DCC: variants seen among roughly 807,000 people sequenced by gnomAD.
DCC encodes DCC netrin 1 receptor.
A neutral mutation model predicts 172.5 loss-of-function variants in DCC; 58 were observed. The ratio of observed to expected loss-of-function variants is 0.34; its 90% CI spans 0.27 to 0.42. DCC has a LOEUF of 0.42. Among genes scored for constraint, DCC ranks in the 10% least tolerant of loss-of-function variants. The probability of loss-of-function intolerance (pLI) is 1.00; values close to 1 mark genes in which losing one functional copy is unlikely to be tolerated. For missense variants in DCC, 1,740 were observed against 1,791.0 expected (o/e 0.97, Z 0.51); for synonymous variants, 709 against 644.5 (o/e 1.10, Z -1.52).
In DCC at chr18:53,205,329, T is replaced by C. The variant is rs759757135; in HGVS notation, c.1687T>C (p.Leu563=). The C allele has an allele frequency of 3.7e-6, 6 of 1,614,010 alleles. No individual in the cohort carries two copies. Among genetic ancestry groups the C allele is most frequent in the Non-Finnish European group, 8.5e-7 (1 of 1,179,932 alleles). The change falls in exon 10 of 29, where the codon TTG becomes CTG. Residue 563 remains leucine (L), a synonymous_variant. Transcript: ENST00000442544. ...AAACGGTCCAGTCCAAGGTTACAGA[T>C]TGTTCTGCACTGAGGTGTCCACAGG... is the stretch of plus-strand genomic sequence containing the variant. The part of the protein sequence containing the change: ...YANGPVQGYR[L]FCTEVSTGKE...
At chr18:52,397,957 G>A (rs531450066) in intron 1 of DCC, among the ~76,000 whole-genome samples, 2 of 152,092 alleles carry the variant, frequency 1.3e-5, no homozygotes, top group South Asian at 2.1e-4. Flanking sequence ...CAGTGGTCAT[G>A]CATTTTGATT....
At chr18:53,473,737 G>A (rs867907020) in intron 25 of DCC, among the ~76,000 whole-genome samples, 17 of 151,960 alleles carry the variant, frequency 1.1e-4, no homozygotes, top group African/African-American at 3.6e-4. Flanking sequence ...GAACCTCTAC[G>A]GTATACTGCT....
intron 1 of DCC, among the ~76,000 whole-genome samples, chr18:52,675,848 T>C (rs1282685392): frequency 2.6e-5 from 4 of 152,244 alleles, no homozygotes; most frequent in Non-Finnish European, 5.9e-5. Context: ...TTGAGCATTT[T>C]ACTTTTTAAC....
intron 1 of DCC, among the ~76,000 whole-genome samples, chr18:52,363,096 T>C (rs1204179692): frequency 6.6e-6 from 1 of 152,126 alleles, no homozygotes. Flanking sequence ...CAGGCTAGTA[T>C]TGAACTCCTG....
chr18:52,735,157 T>C (rs1361889746), intron 1 of DCC, among the ~76,000 whole-genome samples: 1 of 152,082 alleles, frequency 6.6e-6, no homozygotes, highest in Non-Finnish European at 1.5e-5. Context: ...ACACTCAGGG[T>C]CTTCTGATTT....
chr18:52,615,035 G>T (rs2144848448), intron 1 of DCC, among the ~76,000 whole-genome samples: 1 of 152,290 alleles, frequency 6.6e-6, no homozygotes, highest in African/African-American at 2.4e-5. Flanking sequence ...AAATGTCATG[G>T]AAATGTCAGA....
intron 25 of DCC, among the ~76,000 whole-genome samples, chr18:53,474,024 G>A (rs1240583152): frequency 7.1e-6 from 1 of 140,262 alleles, no homozygotes; most frequent in African/African-American, 2.5e-5. Flanking sequence ...ATTAATTTTT[G>A]TTATTTTTGT....
rs973832738 is a variant in DCC at position 52,817,770 on chromosome 18, C to G, written c.412+65396C>G. Among the ~76,000 whole-genome samples the G allele has an allele frequency of 3.2e-4, 49 of 151,282 alleles. 1 individual carries two copies. Among genetic ancestry groups the G allele is most frequent in the Non-Finnish European group, 6.8e-4 (46 of 67,882 alleles). ...TTGGATATTTTCTTTAGGAAAACTC[C>G]CAATCTGAAATATAAAATGTTTATA... On this transcript the variant is annotated intron_variant, in intron 2 of 28. Transcript: ENST00000442544.
intron 2 of DCC, among the ~76,000 whole-genome samples, chr18:52,836,670 G>A (rs1402175340): frequency 6.6e-6 from 1 of 152,202 alleles, no homozygotes; most frequent in African/African-American, 2.4e-5. Flanking sequence ...CTCTACTGCT[G>A]TGGCTTTGCA....
intron 2 of DCC, among the ~76,000 whole-genome samples, chr18:52,792,819 C>CAGTTG (rs1231167624): frequency 1.4e-5 from 2 of 147,418 alleles, no homozygotes; most frequent in Non-Finnish European, 3.0e-5. Flanking sequence ...GATTCAATTC[C>CAGTTG]ATTCTATTCC....
intron 1 of DCC, among the ~76,000 whole-genome samples, chr18:52,450,345 C>A (rs1988262485): frequency 6.6e-6 from 1 of 152,134 alleles, no homozygotes; most frequent in Non-Finnish European, 1.5e-5. Context: ...CATACCTTTC[C>A]AGTTTATTCA....
At chr18:53,364,813 T>C (rs2057984769) in intron 15 of DCC, among the ~76,000 whole-genome samples, 1 of 152,098 alleles carries the variant, frequency 6.6e-6, no homozygotes, top group Admixed American at 6.6e-5. Flanking sequence ...CTTGTAAAGG[T>C]GTCCTAACCA....
intron 12 of DCC, among the ~76,000 whole-genome samples, chr18:53,261,440 G>T (rs1442866633): frequency 6.6e-6 from 1 of 152,124 alleles, no homozygotes; most frequent in Non-Finnish European, 1.5e-5. Flanking sequence ...CCAGGGCTCA[G>T]TTTCAATAAG....
At chr18:53,417,488 G>A (rs187631473) in intron 21 of DCC, among the ~76,000 whole-genome samples, 1 of 152,260 alleles carries the variant, frequency 6.6e-6, no homozygotes, top group Admixed American at 6.5e-5. Flanking sequence ...CACTTGGCAT[G>A]TATTTACATA....
At chr18:52,924,071 A>T (rs1007468922) in intron 4 of DCC, among the ~76,000 whole-genome samples, 1 of 152,118 alleles carries the variant, frequency 6.6e-6, no homozygotes, top group Non-Finnish European at 1.5e-5. Flanking sequence ...CATGGGATCA[A>T]TTCTGAAAGG....
At chr18:52,488,398 T>C (rs1319285036) in intron 1 of DCC, among the ~76,000 whole-genome samples, 1 of 152,114 alleles carries the variant, frequency 6.6e-6, no homozygotes, top group African/African-American at 2.4e-5. Flanking sequence ...CCAATATTAA[T>C]GTGCTTGTGT....
intron 7 of DCC, among the ~76,000 whole-genome samples, chr18:53,118,150 T>A (rs2043433511): frequency 6.6e-6 from 1 of 151,822 alleles, no homozygotes; most frequent in Admixed American, 6.6e-5. Flanking sequence ...TGTGTGTTAT[T>A]TTTTATCAAA....
chr18:53,257,913 T>C (rs1490443431), intron 12 of DCC, among the ~76,000 whole-genome samples: 1 of 152,220 alleles, frequency 6.6e-6, no homozygotes, highest in Non-Finnish European at 1.5e-5. Flanking sequence ...TTTTCAGAGA[T>C]TCAACTTCTT....
intron 1 of DCC, among the ~76,000 whole-genome samples, chr18:52,723,998 CA>C (rs1485183406): frequency 1.3e-5 from 2 of 152,106 alleles, no homozygotes; most frequent in Admixed American, 6.6e-5. Flanking sequence ...TGAAACTCTT[CA>C]AAGGTACAGA....
Sources: gnomAD v4.1 joint callset for allele counts (sites outside exome capture counted in the v4.1 genomes callset) on GRCh38, gnomAD v4.1.1 for gene constraint, MANE v1.5 for transcripts, NCBI Gene and HGNC (gene_info 2026-07-23, HGNC 2026-07-21) for gene names.